Variants in FLNB observed in about 807,000 individuals in gnomAD.
FLNB encodes filamin B.
A neutral mutation model predicts 250.6 loss-of-function variants in FLNB; 111 were observed. That is an observed-to-expected ratio of 0.44 (90% CI 0.38 to 0.52). FLNB has a LOEUF of 0.52. FLNB is among the 20% of genes least tolerant of loss of function. The pLI, the probability that FLNB is intolerant of heterozygous loss-of-function variation, is 0.00. For synonymous variants in FLNB, 1,302 were observed against 1,372.1 expected, an observed-to-expected ratio of 0.95 and a Z score of 1.13; for missense variants, 2,869 against 3,447.8, an observed-to-expected ratio of 0.83 and a Z score of 4.20.
In FLNB at chr3:58,138,454, T is replaced by A; in HGVS notation, c.5034T>A (p.Ala1678=). The A allele has an allele frequency of 6.2e-7, 1 of 1,614,166 alleles. No homozygotes were observed. The highest frequency in any genetic ancestry group is 8.5e-7 in the Non-Finnish European group (1 of 1,180,026). The stretch of plus-strand genomic sequence containing the variant: ...GAACCTATGACATCTTCTACACAGC[T>A]GCCAAGCCGGGCACATATGTGATCT... The part of the protein sequence containing the change: ...EDGTYDIFYT[A]AKPGTYVIYV... The change falls in exon 29 of 46, where the codon GCT becomes GCA. Residue 1678 remains alanine (A), a synonymous_variant. Transcript: ENST00000295956.
At position 58,109,696 on chromosome 3, in the gene FLNB, G is replaced by A; in HGVS notation, c.2320G>A (p.Glu774Lys). ...CACGGTGGACTGTACTGAGGCTGGGGAAGGTGAGAAAGGGCTTTGTTCAAC... is the reference window on the plus strand; with the variant it reads ...CACGGTGGACTGTACTGAGGCTGGGAAAGGTGAGAAAGGGCTTTGTTCAAC... ...HFTVDCTEAG[E>K]GDVSVGIKCD... The change falls in exon 15 of 46, where the codon GAA becomes AAA. Residue 774 changes from glutamate (E) to lysine (K), a missense_variant. Glu to Lys is a moderately conservative substitution (Grantham distance 56, BLOSUM62 1). Transcript: ENST00000295956. The A allele has an allele frequency of 1.2e-6, 2 of 1,614,142 alleles. No individual in the cohort carries two copies. Among genetic ancestry groups the A allele is most frequent in the Non-Finnish European group, 1.7e-6 (2 of 1,180,028 alleles).
intron 39 of FLNB, 68 bp downstream of exon 39, chr3:58,153,709 C>T: frequency 6.3e-7 from 1 of 1,580,456 alleles, no homozygotes; most frequent in Non-Finnish European, 8.6e-7. Flanking sequence ...TGGGCACCCA[C>T]ATACTTTTTT....
At chr3:58,040,554 G>A (rs1269009747) in intron 1 of FLNB, among the ~76,000 whole-genome samples, 1 of 152,174 alleles carries the variant, frequency 6.6e-6, no homozygotes, top group African/African-American at 2.4e-5. Flanking sequence ...GAGTGCAGTG[G>A]CCTGATCTCG....
At chr3:58,048,309 C>CT (rs1220257368) in intron 1 of FLNB, among the ~76,000 whole-genome samples, 1 of 152,054 alleles carries the variant, frequency 6.6e-6, no homozygotes, top group African/African-American at 2.4e-5. Context: ...CTCAAGTGTG[C>CT]TTGGGAGGGT....
At chr3:58,010,392 G>T (rs2097096842) in intron 1 of FLNB, among the ~76,000 whole-genome samples, 1 of 152,138 alleles carries the variant, frequency 6.6e-6, no homozygotes, top group African/African-American at 2.4e-5. Context: ...GGCAGGTAAG[G>T]CTGCTTCCTG....
At chr3:58,087,710 G>T in intron 4 of FLNB, among the ~76,000 whole-genome samples, 1 of 151,902 alleles carries the variant, frequency 6.6e-6, no homozygotes, top group South Asian at 2.1e-4. Flanking sequence ...TCGGCCTCCC[G>T]AAGTGTTGGG....
intron 38 of FLNB, chr3:58,150,535 A>G (rs1016115868): frequency 2.9e-5 from 12 of 407,414 alleles, no homozygotes; most frequent in Admixed American, 7.4e-5. Flanking sequence ...AAATAGAATC[A>G]TGTCAGTGAA....
At chr3:58,121,178 T>C in intron 19 of FLNB, 63 bp from the exon 20 acceptor site, 1 of 1,609,182 alleles carries the variant, frequency 6.2e-7, no homozygotes, top group Admixed American at 1.7e-5. Flanking sequence ...GCTTCTGTGC[T>C]CTGGATTGTT....
intron 35 of FLNB, 124 bp downstream of exon 35, chr3:58,148,488 C>A: frequency 7.7e-7 from 1 of 1,297,174 alleles, no homozygotes; most frequent in Non-Finnish European, 1.1e-6. Flanking sequence ...TGCTGGGTCA[C>A]ACGCACGATA....
intron 15 of FLNB, 40 bp downstream of exon 15, chr3:58,109,739 G>A (rs2708318): frequency 2.4e-5 from 38 of 1,613,440 alleles, no homozygotes; most frequent in Admixed American, 8.3e-5. Context: ...TCATTGCTCC[G>A]TGGGGAAGGC....
chr3:58,129,823 T>A (rs74426586), intron 24 of FLNB, among the ~76,000 whole-genome samples: 1,767 of 152,318 alleles, frequency 0.012, 35 homozygotes, highest in East Asian at 0.059. Flanking sequence ...ATGGGCGTGG[T>A]AGCCTGAGGC....
intron 23 of FLNB, 30 bp from the exon 24 acceptor site, chr3:58,126,572 A>G (rs2097298289): frequency 3.7e-6 from 6 of 1,611,100 alleles, no homozygotes; most frequent in Non-Finnish European, 5.1e-6. Context: ...TAAATGGTGC[A>G]CATTTCACTT....
chr3:58,009,651 G>A (rs778861765), intron 1 of FLNB, among the ~76,000 whole-genome samples: 17 of 152,182 alleles, frequency 1.1e-4, no homozygotes, highest in Non-Finnish European at 1.9e-4. Flanking sequence ...GGTGAGGCTA[G>A]ACCCATTTTA....
chr3:58,092,321 T>C (rs1386037193), intron 4 of FLNB, among the ~76,000 whole-genome samples: 1 of 152,180 alleles, frequency 6.6e-6, no homozygotes, highest in Non-Finnish European at 1.5e-5. Flanking sequence ...ATGGTGTAGC[T>C]ACTTTGGAAC....
At chr3:58,151,997 T>C (rs1213764940) in intron 38 of FLNB, among the ~76,000 whole-genome samples, 2 of 152,260 alleles carry the variant, frequency 1.3e-5, no homozygotes, top group Admixed American at 1.3e-4. Context: ...ACTAGTGATA[T>C]GTGTACTGTG....
chr3:58,121,630 C>T, intron 20 of FLNB, 127 bp downstream of exon 20: 1 of 1,215,038 alleles, frequency 8.2e-7, no homozygotes, highest in South Asian at 1.3e-5. Context: ...GCACAATTCA[C>T]TGTGAAAGGT....
chr3:58,097,323 A>G (rs2097240639), intron 6 of FLNB, among the ~76,000 whole-genome samples: 1 of 152,146 alleles, frequency 6.6e-6, no homozygotes. Context: ...AACCCAACCC[A>G]ATTACCCCCC....
chr3:58,127,901 A>G (rs779531760), intron 24 of FLNB, among the ~76,000 whole-genome samples: 3 of 152,130 alleles, frequency 2.0e-5, no homozygotes, highest in Non-Finnish European at 2.9e-5. Context: ...GGTTACATGG[A>G]TGAATTCTAT....
intron 43 of FLNB, chr3:58,165,885 G>C (rs1428603100): frequency 6.6e-6 from 1 of 152,122 alleles, no homozygotes; most frequent in East Asian, 1.9e-4. Flanking sequence ...ATTTGAGGGG[G>C]TGGGGGAAGA....
Sources: allele counts gnomAD v4.1 joint callset (sites outside exome capture counted in the v4.1 genomes callset), GRCh38; gene constraint gnomAD v4.1.1; transcripts MANE v1.5; gene names NCBI Gene and HGNC (gene_info 2026-07-23, HGNC 2026-07-21).